SYTL5: variants seen among roughly 807,000 people sequenced by gnomAD.
SYTL5 encodes the protein synaptotagmin like 5.
In SYTL5, 34 loss-of-function variants were observed where a neutral mutation model predicts 55.9. That is an observed-to-expected ratio of 0.61 (90% CI 0.46 to 0.81). SYTL5 has a LOEUF of 0.81. Ranked by LOEUF, SYTL5 falls within the 30% of genes least tolerant of loss-of-function variation. The pLI is 0.00. For synonymous variants in SYTL5, 221 were observed against 188.7 expected (o/e 1.17, Z -1.40); for missense variants, 637 against 546.7 (o/e 1.17, Z -1.65).
At chrX:38,114,182 C>T (rs915764913) in intron 13 of SYTL5, among the ~76,000 whole-genome samples, 10 of 111,672 alleles carry the variant, frequency 9.0e-5, no homozygotes, top group African/African-American at 3.3e-4. Flanking sequence ...CCCCTGATCA[C>T]ATTTGACTTC....
chrX:37,930,297 T>A, the SYTL5 span, among the ~76,000 whole-genome samples: 2 of 112,252 alleles, frequency 1.8e-5, no homozygotes, highest in East Asian at 2.8e-4. Flanking sequence ...GTGCTCAGAA[T>A]CAAGATTATA....
the SYTL5 span, among the ~76,000 whole-genome samples, chrX:37,999,551 T>C: frequency 6.3e-5 from 7 of 111,758 alleles, no homozygotes; most frequent in Non-Finnish European, 1.1e-4. Flanking sequence ...ATTCATCAGC[T>C]CAACTGTGAA....
the SYTL5 span, among the ~76,000 whole-genome samples, chrX:37,942,623 G>A: frequency 3.2e-4 from 36 of 111,380 alleles, no homozygotes; most frequent in Non-Finnish European, 9.4e-5. Context: ...TTCTCTATCC[G>A]TTCTGGGCTC....
intron 3 of SYTL5, among the ~76,000 whole-genome samples, chrX:38,061,341 G>A (rs1270103445): frequency 8.9e-6 from 1 of 112,129 alleles, no homozygotes; most frequent in Non-Finnish European, 1.9e-5. Context: ...AGTATTGGAA[G>A]TATCTTGTTT....
intron 6 of SYTL5, among the ~76,000 whole-genome samples, chrX:38,085,993 C>A (rs1004628219): frequency 9.0e-6 from 1 of 111,714 alleles, no homozygotes; most frequent in African/African-American, 3.3e-5. Flanking sequence ...ACGAGACATA[C>A]AATTTTATTA....
chrX:37,902,927 C>G, the SYTL5 span, among the ~76,000 whole-genome samples: 1,649 of 112,080 alleles, frequency 0.015, 34 homozygotes, highest in African/African-American at 0.051. Context: ...TTCATTTATG[C>G]AGCCAAAAAA....
chrX:38,077,797 T>G (rs1466913243), intron 6 of SYTL5, among the ~76,000 whole-genome samples: 2 of 112,509 alleles, frequency 1.8e-5, no homozygotes, highest in Middle Eastern at 4.6e-3. Context: ...AAGCTATGGT[T>G]GCCTTTATCC....
intron 1 of SYTL5, among the ~76,000 whole-genome samples, chrX:38,009,374 G>T (rs1403034518): frequency 8.9e-6 from 1 of 111,964 alleles, no homozygotes; most frequent in Non-Finnish European, 1.9e-5. Context: ...CATTCATCAT[G>T]ATTGTAGCCA....
At chrX:37,895,413 C>CTTCCTTCA in the SYTL5 span, among the ~76,000 whole-genome samples, 29 of 67,046 alleles carry the variant, frequency 4.3e-4, no homozygotes, top group African/African-American at 2.1e-3. Flanking sequence ...TTTTCTTTTC[C>CTTCCTTCA]TTCCTTCCTT....
Position 38,073,711 on chromosome X carries a change from C to T in SYTL5, c.554+13C>T. ...CCAAGAGAAAGGGGTAAGACATGGT[C>T]TTTCTGAGGGAATTTTTGATCTTTA... On this transcript the variant is annotated intron_variant, in intron 5 of 16. Coordinates refer to ENST00000297875, the MANE Select transcript of SYTL5 (RefSeq NM_138780.3). 9.1e-7 allele frequency: 1 copy of T among 1,103,740 alleles called. No individual in the cohort carries two copies. Among genetic ancestry groups the T allele is most frequent in the South Asian group, 2.1e-5 (1 of 48,084 alleles). The allele number at this position is 1,103,740 out of a possible 1,213,427, so 91.0% of individuals were successfully genotyped here.
the SYTL5 span, among the ~76,000 whole-genome samples, chrX:37,969,637 C>T: frequency 3.6e-5 from 4 of 111,907 alleles, no homozygotes; most frequent in Non-Finnish European, 5.6e-5. Context: ...TCATTCAAGG[C>T]CTTTCCGTTT....
chrX:37,936,915 T>C, the SYTL5 span, among the ~76,000 whole-genome samples: 1 of 107,063 alleles, frequency 9.3e-6, no homozygotes, highest in East Asian at 2.9e-4. Flanking sequence ...CTGGGCGTAG[T>C]GGCAAGTGAC....
chrX:37,967,090 C>T, the SYTL5 span, among the ~76,000 whole-genome samples: 17 of 111,627 alleles, frequency 1.5e-4, no homozygotes, highest in African/African-American at 5.2e-4. Context: ...CTTGCTCTGT[C>T]GCCCAGGCTG....
At chrX:37,890,012 G>A in the SYTL5 span, among the ~76,000 whole-genome samples, 229 of 111,626 alleles carry the variant, frequency 2.1e-3, no homozygotes, top group African/African-American at 7.1e-3. Context: ...AATATTAAAA[G>A]CTGATAGAGC....
intron 2 of SYTL5, among the ~76,000 whole-genome samples, chrX:38,042,419 A>G (rs945413883): frequency 1.8e-5 from 2 of 111,413 alleles, no homozygotes; most frequent in Non-Finnish European, 3.8e-5. Flanking sequence ...TTCAATCTTC[A>G]TTTGGTTGCA....
At chrX:37,927,924 T>G in the SYTL5 span, among the ~76,000 whole-genome samples, 3 of 111,922 alleles carry the variant, frequency 2.7e-5, no homozygotes, top group Non-Finnish European at 3.8e-5. Flanking sequence ...GGCCTGAAAA[T>G]ATGGCTAATC....
At chrX:37,942,812 G>C in the SYTL5 span, among the ~76,000 whole-genome samples, 1 of 111,648 alleles carries the variant, frequency 9.0e-6, no homozygotes, top group East Asian at 2.8e-4. Context: ...CATGTTCTCA[G>C]TTCTTTAGCT....
intron 2 of SYTL5, 34 bp from the exon 3 acceptor site, chrX:38,054,179 T>C (rs1422936265): frequency 9.1e-7 from 1 of 1,094,863 alleles, no homozygotes; most frequent in Non-Finnish European, 1.3e-6. Context: ...CCTGTTTGTT[T>C]TTTTAAGTGA....
intron 8 of SYTL5, among the ~76,000 whole-genome samples, chrX:38,095,843 C>G (rs1936921989): frequency 9.0e-6 from 1 of 110,764 alleles, no homozygotes; most frequent in Non-Finnish European, 1.9e-5. Context: ...TTGCCTTAAA[C>G]AGCTTAAAAC....
Sources: gnomAD v4.1 joint callset for allele counts (sites outside exome capture counted in the v4.1 genomes callset) on GRCh38, gnomAD v4.1.1 for gene constraint, MANE v1.5 for transcripts, NCBI Gene and HGNC (gene_info 2026-07-23, HGNC 2026-07-21) for gene names.